Variants in CD247 observed in about 807,000 individuals in gnomAD.
CD247 encodes the protein T-cell surface glycoprotein CD3 zeta chain.
Under a neutral mutation model 30.0 loss-of-function variants are expected in CD247, and 13 were observed. The ratio of observed to expected loss-of-function variants is 0.43; its 90% confidence interval spans 0.28 to 0.69. The LOEUF (loss-of-function observed/expected upper bound fraction) is 0.69. CD247 is among the 30% of genes least tolerant of loss of function. The probability of loss-of-function intolerance (pLI) is 0.16; values close to 1 mark genes in which losing one functional copy is unlikely to be tolerated. For synonymous variants in CD247, 72 were observed against 80.0 expected, an observed-to-expected ratio of 0.90 and a Z score of 0.53; for missense variants, 193 against 212.6, an observed-to-expected ratio of 0.91 and a Z score of 0.57.
At chr1:167,432,646 C>A (rs1253150323) in intron 7 of CD247, among the ~76,000 whole-genome samples, 1 of 152,222 alleles carries the variant, frequency 6.6e-6, no homozygotes. Context: ...AACCTCTCAT[C>A]TTACTAGGCC....
At chr1:167,462,097 C>T (rs543325874) in intron 1 of CD247, among the ~76,000 whole-genome samples, 1 of 152,306 alleles carries the variant, frequency 6.6e-6, no homozygotes, top group African/African-American at 2.4e-5. Flanking sequence ...TCTCATGGGA[C>T]TTGGCCACTG....
At chr1:167,439,697 G>C (rs541548638) in intron 2 of CD247, 3 of 472,702 alleles carry the variant, frequency 6.3e-6, no homozygotes, top group African/African-American at 5.9e-5. Context: ...AGAGGTATAA[G>C]GTTCTTGGTC....
At chr1:167,446,025 G>C (rs764709811) in intron 1 of CD247, among the ~76,000 whole-genome samples, 2 of 152,196 alleles carry the variant, frequency 1.3e-5, no homozygotes, top group Non-Finnish European at 2.9e-5. Context: ...GAGATCAGAG[G>C]AATGAAGCAA....
intron 1 of CD247, among the ~76,000 whole-genome samples, chr1:167,512,967 C>T (rs559329391): frequency 1.2e-4 from 19 of 152,350 alleles, no homozygotes; most frequent in African/African-American, 4.1e-4. Context: ...AAGTCTAGAG[C>T]ATCCTGCAAA....
intron 4 of CD247, among the ~76,000 whole-genome samples, chr1:167,435,996 C>A (rs144812511): frequency 7.9e-5 from 12 of 152,338 alleles, no homozygotes; most frequent in Non-Finnish European, 1.6e-4. Flanking sequence ...CAGGCGTGAC[C>A]ACTGGCAGCA....
intron 1 of CD247, among the ~76,000 whole-genome samples, chr1:167,459,042 C>T (rs1652864961): frequency 6.7e-6 from 1 of 150,340 alleles, no homozygotes; most frequent in South Asian, 2.1e-4. Flanking sequence ...GGTTGAGGCA[C>T]AAGAATTGCT....
intron 2 of CD247, 60 bp from the exon 3 acceptor site, chr1:167,439,460 T>TGCCAGGGC: frequency 6.5e-7 from 1 of 1,527,460 alleles, no homozygotes; most frequent in Non-Finnish European, 9.1e-7. Flanking sequence ...GGAGCCGGGG[T>TGCCAGGGC]GCCAGGGCGC....
intron 1 of CD247, among the ~76,000 whole-genome samples, chr1:167,517,933 A>T (rs917537128): frequency 1.3e-5 from 2 of 152,168 alleles, no homozygotes; most frequent in African/African-American, 4.8e-5. Context: ...TTGACTGACC[A>T]ACAAAATCTT....
chr1:167,493,241 C>G (rs1571582610), intron 1 of CD247, among the ~76,000 whole-genome samples: 1 of 152,026 alleles, frequency 6.6e-6, no homozygotes. Context: ...CAGGGCTTCA[C>G]CATATTACCC....
intron 1 of CD247, among the ~76,000 whole-genome samples, chr1:167,489,773 G>A (rs1019614817): frequency 9.2e-5 from 14 of 152,120 alleles, no homozygotes; most frequent in African/African-American, 3.1e-4. Flanking sequence ...GCCCCCTCCT[G>A]GGCTCAGCGT....
chr1:167,432,863 A>T (rs1396598370), intron 7 of CD247, among the ~76,000 whole-genome samples, 161 bp downstream of exon 7: 1 of 152,242 alleles, frequency 6.6e-6, no homozygotes, highest in African/African-American at 2.4e-5. Flanking sequence ...CCAGGGACTT[A>T]TTGGCAGTGG....
At position 167,484,752 on chromosome 1, in the gene CD247, G is replaced by A. The variant is rs34966390; in HGVS notation, c.58+33656C>T. ...AGATCGCGCCACCGCAGTCCAGCCCGGCGACAGAGCGAGACTCTGTCTCAA... is the reference window on the plus strand; with the variant it reads ...AGATCGCGCCACCGCAGTCCAGCCCAGCGACAGAGCGAGACTCTGTCTCAA... On this transcript the variant is annotated intron_variant, in intron 1 of 7. Transcript: ENST00000362089. 1.7e-3 allele frequency among the ~76,000 whole-genome samples: 262 copies of A among 152,342 alleles called. 5 individuals are homozygous for A. The highest frequency in any genetic ancestry group is 0.015 in the Admixed American group (228 of 15,306).
At chr1:167,457,014 C>T (rs999729194) in intron 1 of CD247, among the ~76,000 whole-genome samples, 1 of 152,206 alleles carries the variant, frequency 6.6e-6, no homozygotes, top group Non-Finnish European at 1.5e-5. Flanking sequence ...GCCCTGCTTT[C>T]TCTACCTCCA....
Position 167,450,103 on chromosome 1 carries a change from G to A in CD247, c.59-9336C>T, listed in dbSNP as rs12726036. Among the ~76,000 whole-genome samples, 1,342 of 152,138 alleles carry A rather than the reference G, an allele frequency of 8.8e-3. 9 individuals carry two copies. The highest frequency in any genetic ancestry group is 0.016 in the South Asian group (79 of 4,812). On this transcript the variant is annotated intron_variant, in intron 1 of 7. Coordinates refer to ENST00000362089, the MANE Select transcript of CD247 (RefSeq NM_198053.3). ...CTATCTACATAACCATTCCCCATTG[G>A]TGCTCATTTGTTTCCAATTTTTCAC... is the stretch of plus-strand genomic sequence containing the variant.
At chr1:167,448,017 C>T (rs148507283) in intron 1 of CD247, among the ~76,000 whole-genome samples, 48 of 152,128 alleles carry the variant, frequency 3.2e-4, no homozygotes, top group Non-Finnish European at 5.4e-4. Context: ...GGTGTGATGC[C>T]GACCCATTGA....
intron 1 of CD247, among the ~76,000 whole-genome samples, chr1:167,480,531 G>A (rs911083724): frequency 6.6e-6 from 1 of 152,144 alleles, no homozygotes; most frequent in East Asian, 1.9e-4. Context: ...CTAAAAGGTT[G>A]TTTTGCAATG....
Position 167,432,193 on chromosome 1 carries a change from G to T in CD247, c.430-447C>A, listed in dbSNP as rs142550570. Among the ~76,000 whole-genome samples, 233 of 152,324 alleles carry T rather than the reference G, an allele frequency of 1.5e-3. 1 individual carries two copies. Among genetic ancestry groups the T allele is most frequent in the African/African-American group, 5.5e-3 (227 of 41,560 alleles). ...CTGGACTTGTCACAGGGAGAAGAGG[G>T]GCTCCTTGGCCTCAGCCCTCTGTGA... On this transcript the variant is annotated intron_variant, in intron 7 of 7. Transcript: ENST00000362089.
At chr1:167,440,618 A>G (rs1651781973) in intron 2 of CD247, 46 bp downstream of exon 2, 1 of 1,298,138 alleles carries the variant, frequency 7.7e-7, no homozygotes, top group African/African-American at 1.5e-5. Context: ...AACATCCATC[A>G]AGTGGGGGAC....
At chr1:167,453,055 G>GATATATATTATAT (rs1652444725) in intron 1 of CD247, among the ~76,000 whole-genome samples, 1 of 146,132 alleles carries the variant, frequency 6.8e-6, no homozygotes, top group Non-Finnish European at 1.5e-5. Flanking sequence ...ATATATTATA[G>GATATATATTATAT]ATATACAGAG....
Sources: gnomAD v4.1 joint callset for allele counts (sites outside exome capture counted in the v4.1 genomes callset) on GRCh38, gnomAD v4.1.1 for gene constraint, MANE v1.5 for transcripts, NCBI Gene and HGNC (gene_info 2026-07-23, HGNC 2026-07-21) for gene names.